Variants in WASF2 observed in about 807,000 individuals in gnomAD.
WASF2 encodes the protein WASP family member 2.
A neutral mutation model predicts 45.0 loss-of-function variants in WASF2; 14 were observed. That is an observed-to-expected ratio of 0.31 (90% CI 0.21 to 0.49). WASF2 has a LOEUF of 0.49. Among genes scored for constraint, WASF2 ranks in the 20% least tolerant of loss-of-function variants. The probability of loss-of-function intolerance (pLI) is 0.99; values close to 1 mark genes in which losing one functional copy is unlikely to be tolerated. For missense variants in WASF2, 439 were observed against 636.1 expected, an observed-to-expected ratio of 0.69 and a Z score of 3.33; for synonymous variants, 200 against 236.3, an observed-to-expected ratio of 0.85 and a Z score of 1.41.
intron 1 of WASF2, among the ~76,000 whole-genome samples, chr1:27,468,432 G>A (rs58695651): frequency 0.032 from 4,842 of 150,282 alleles, 248 homozygotes; most frequent in African/African-American, 0.11. Context: ...CCTGAGGTCA[G>A]GAGTTAGAGA....
At chr1:27,481,686 T>G (rs185856498) in intron 1 of WASF2, among the ~76,000 whole-genome samples, 118 of 151,580 alleles carry the variant, frequency 7.8e-4, no homozygotes, top group Non-Finnish European at 1.4e-3. Flanking sequence ...ATCGGGCCAT[T>G]GCACTCCAGC....
At chr1:27,463,061 C>T (rs954518921) in intron 1 of WASF2, among the ~76,000 whole-genome samples, 3 of 152,118 alleles carry the variant, frequency 2.0e-5, no homozygotes, top group African/African-American at 4.8e-5. Flanking sequence ...CTCAAGTGAT[C>T]CGCCTGCCTG....
chr1:27,483,930 A>G (rs907178419), intron 1 of WASF2, among the ~76,000 whole-genome samples: 2 of 152,064 alleles, frequency 1.3e-5, no homozygotes, highest in Non-Finnish European at 2.9e-5. Flanking sequence ...ATTGCACTCA[A>G]GCCAGGGCAA....
chr1:27,488,987 A>T (rs957373205), intron 1 of WASF2, among the ~76,000 whole-genome samples: 4 of 152,142 alleles, frequency 2.6e-5, no homozygotes, highest in African/African-American at 9.7e-5. Flanking sequence ...GGGCTGCCAT[A>T]AAAGTTCTTC....
At chr1:27,462,877 T>C (rs1053801693) in intron 1 of WASF2, among the ~76,000 whole-genome samples, 3 of 152,162 alleles carry the variant, frequency 2.0e-5, no homozygotes, top group African/African-American at 7.2e-5. Flanking sequence ...TCTGTCGCAA[T>C]GGTGCGATCT....
Position 27,415,966 on chromosome 1 carries a change from G to A in WASF2, c.537+19C>T. 1.3e-6 allele frequency: 2 copies of A among 1,598,868 alleles called. No homozygotes were observed. Among genetic ancestry groups the A allele is most frequent in the Non-Finnish European group, 1.7e-6 (2 of 1,166,448 alleles). On this transcript the variant is annotated intron_variant, in intron 5 of 8. Coordinates refer to ENST00000618852, the MANE Select transcript of WASF2 (RefSeq NM_006990.5). Reference sequence around the variant, plus strand: ...ATCGTGCCTACTGATGTGGAGAACAGAGGCCCCTTTCCCCTCACCCTATGC... The same window carrying A: ...ATCGTGCCTACTGATGTGGAGAACAAAGGCCCCTTTCCCCTCACCCTATGC...
At chr1:27,413,793 A>C (rs1289858687) in intron 6 of WASF2, among the ~76,000 whole-genome samples, 1 of 152,250 alleles carries the variant, frequency 6.6e-6, no homozygotes, top group African/African-American at 2.4e-5. Flanking sequence ...TGCCTGTCTG[A>C]ACAGGATTGG....
chr1:27,414,899 T>C lies in WASF2; in HGVS notation c.602A>G (p.Glu201Gly), dbSNP rs750986025. The C allele has an allele frequency of 6.2e-7, 1 of 1,614,212 alleles. No individual in the cohort carries two copies. Among genetic ancestry groups the C allele is most frequent in the Non-Finnish European group, 8.5e-7 (1 of 1,180,034 alleles). ...VNPRKIKTRK[E>G]EWEKMKMGQE... ...CCCCATCTTCATTTTCTCCCACTCT[T>C]CCTTACGTGTCTTGATTTTACGTGG... Residue 201 changes from glutamate to glycine, a missense_variant, in exon 6 of 9, where the codon GAA becomes GGA. By Grantham distance (98) the Glu-to-Gly change is moderately conservative. Around this residue, in one of 5 missense-constraint regions of WASF2, gnomAD observed 23 missense variants for 69.7 expected, o/e 0.33. Coordinates refer to ENST00000618852, the MANE Select transcript of WASF2 (RefSeq NM_006990.5). This position sits in a 1 kb window ranked among gnomAD's most constrained non-coding sequence, Gnocchi z 4.1.
intron 1 of WASF2, among the ~76,000 whole-genome samples, chr1:27,431,924 T>C (rs953809143): frequency 1.3e-5 from 2 of 152,198 alleles, no homozygotes; most frequent in African/African-American, 4.8e-5. Flanking sequence ...TCAATATCTA[T>C]TAGGACAAAA....
chr1:27,461,734 A>C (rs1231929412), intron 1 of WASF2, among the ~76,000 whole-genome samples: 1 of 151,794 alleles, frequency 6.6e-6, no homozygotes, highest in African/African-American at 2.4e-5. Flanking sequence ...TCGGCCTCCC[A>C]AAGTGCTGGG....
intron 1 of WASF2, among the ~76,000 whole-genome samples, chr1:27,437,167 T>A (rs2017149154): frequency 6.6e-6 from 1 of 152,208 alleles, no homozygotes; most frequent in Non-Finnish European, 1.5e-5. Flanking sequence ...ATAGTTTCGT[T>A]CTTAAAACTA....
At chr1:27,429,719 T>C (rs1188531602) in intron 1 of WASF2, among the ~76,000 whole-genome samples, 1 of 149,296 alleles carries the variant, frequency 6.7e-6, no homozygotes, top group Non-Finnish European at 1.5e-5. Flanking sequence ...GAGGTTGCAG[T>C]GAGCTGAGAT....
chr1:27,452,369 T>C (rs755409804), intron 1 of WASF2, among the ~76,000 whole-genome samples: 8 of 151,126 alleles, frequency 5.3e-5, no homozygotes, highest in East Asian at 2.0e-4. Context: ...AAAAATTAGC[T>C]GGGCGTGGTG....
intron 1 of WASF2, among the ~76,000 whole-genome samples, chr1:27,450,719 G>A (rs2017373653): frequency 1.3e-5 from 2 of 151,828 alleles, no homozygotes; most frequent in Non-Finnish European, 2.9e-5. Flanking sequence ...GGCTGGTCTC[G>A]AACTCCTGAC....
chr1:27,433,387 A>G (rs943837412), intron 1 of WASF2, among the ~76,000 whole-genome samples: 2 of 152,226 alleles, frequency 1.3e-5, no homozygotes, highest in African/African-American at 4.8e-5. Context: ...TATATTACAT[A>G]TAATGAATGC....
Position 27,408,046 on chromosome 1 carries a change from T to C in WASF2, c.*143A>G, listed in dbSNP as rs549777791. 197 of 974,214 alleles carry C rather than the reference T, an allele frequency of 2.0e-4. 3 individuals are homozygous for C. In the South Asian group the frequency reaches 3.3e-3, roughly 16 times the overall value. 60.3% of individuals were successfully genotyped at this position (974,214 alleles called of 1,614,324 possible). A position where few individuals can be genotyped will look rare whatever the true frequency, so the allele number is the denominator to read the frequency against. ...GACTTGGAGGAAGCACTTGGATATATCTTTGGTTGCTTCAGGGAAAGCTTT... is the reference window on the plus strand; with the variant it reads ...GACTTGGAGGAAGCACTTGGATATACCTTTGGTTGCTTCAGGGAAAGCTTT... On this transcript the variant is annotated 3_prime_UTR_variant, in exon 9 of 9. Coordinates refer to ENST00000618852, the MANE Select transcript of WASF2 (RefSeq NM_006990.5).
chr1:27,488,444 A>G (rs766208717), intron 1 of WASF2, among the ~76,000 whole-genome samples: 1 of 152,152 alleles, frequency 6.6e-6, no homozygotes, highest in Non-Finnish European at 1.5e-5. Flanking sequence ...CTCCCATCCC[A>G]AGAAAATGTG....
At position 27,407,844 on chromosome 1, in the gene WASF2, G is replaced by C. The variant is rs2016700495; in HGVS notation, c.*345C>G. The C allele has an allele frequency of 4.7e-6, 1 of 210,998 alleles. No homozygotes were observed. Among genetic ancestry groups the C allele is most frequent in the South Asian group, 9.6e-5 (1 of 10,384 alleles). The allele number at this position is 210,998 out of a possible 1,614,324, so 13.1% of individuals were successfully genotyped here. On this transcript the variant is annotated 3_prime_UTR_variant, in exon 9 of 9. Transcript: ENST00000618852. ...GCACAGGTTTTAGAAGGCTGTAGTT[G>C]AATATGGCTCCTAAGGGAAGCCCCA...
chr1:27,422,159 C>T (rs894386238), intron 2 of WASF2, among the ~76,000 whole-genome samples: 6 of 151,756 alleles, frequency 4.0e-5, no homozygotes, highest in Admixed American at 2.6e-4. Context: ...CAGTGGTTTT[C>T]AAGAAAAAAT....
Sources: gnomAD v4.1 joint callset for allele counts (sites outside exome capture counted in the v4.1 genomes callset) on GRCh38, gnomAD v4.1.1 for gene constraint, gnomAD v4.1.1 regional missense constraint, Gnocchi (gnomAD v3.1) non-coding constraint, MANE v1.5 for transcripts, NCBI Gene and HGNC (gene_info 2026-07-23, HGNC 2026-07-21) for gene names.